The following EFCAB3 variants were observed in gnomAD, a reference collection of about 807,000 sequenced individuals.
EFCAB3 encodes the protein EF-hand calcium binding domain 3, also known as EF-hand calcium-binding domain-containing protein 3.
EFCAB3 carries 36 observed loss-of-function variants against 42.2 expected under a neutral mutation model. The ratio of observed to expected loss-of-function variants is 0.85; its 90% confidence interval spans 0.65 to 1.13. The LOEUF is 1.13. Among genes scored for constraint, EFCAB3 ranks in the 50% most tolerant of loss-of-function variants. The probability of loss-of-function intolerance (pLI) is 0.00; values close to 1 mark genes in which losing one functional copy is unlikely to be tolerated. For missense variants in EFCAB3, 418 were observed against 505.1 expected, an observed-to-expected ratio of 0.83 and a Z score of 1.65; for synonymous variants, 170 against 172.8, an observed-to-expected ratio of 0.98 and a Z score of 0.13.
At chr17:62,393,751 T>C (rs942182652) in intron 5 of EFCAB3, 107 bp downstream of exon 5, 32 of 931,538 alleles carry the variant, frequency 3.4e-5, no homozygotes, top group Non-Finnish European at 4.9e-5. Flanking sequence ...GAAGGTGTAG[T>C]CTGGGATGTG....
At chr17:62,412,977 A>G (rs1010032625) in intron 8 of EFCAB3, among the ~76,000 whole-genome samples, 2 of 152,210 alleles carry the variant, frequency 1.3e-5, no homozygotes, top group African/African-American at 2.4e-5. Flanking sequence ...CACACTTCAT[A>G]TACAAATTGC....
At chr17:62,399,603 TC>T (rs34784035) in intron 6 of EFCAB3, among the ~76,000 whole-genome samples, 1 of 152,072 alleles carries the variant, frequency 6.6e-6, no homozygotes, top group African/African-American at 2.4e-5. Context: ...TCAAACACGC[TC>T]CCACCTTAAG....
chr17:62,389,084 G>A (rs1411004406), intron 3 of EFCAB3, among the ~76,000 whole-genome samples: 2 of 152,214 alleles, frequency 1.3e-5, no homozygotes, highest in African/African-American at 2.4e-5. Flanking sequence ...AAGTGGGCAG[G>A]GGCAGCATGT....
intron 6 of EFCAB3, among the ~76,000 whole-genome samples, chr17:62,403,642 C>T (rs778201540): frequency 3.3e-5 from 5 of 152,152 alleles, no homozygotes; most frequent in Non-Finnish European, 5.9e-5. Flanking sequence ...TCTCATATAT[C>T]TCTCTCTGTC....
chr17:62,393,714 C>A, intron 5 of EFCAB3, 70 bp downstream of exon 5: 1 of 1,361,304 alleles, frequency 7.3e-7, no homozygotes, highest in Admixed American at 1.8e-5. Flanking sequence ...ACATCATTCA[C>A]AGGCTTCCAG....
chr17:62,398,817 T>C (rs1307494168), intron 6 of EFCAB3, among the ~76,000 whole-genome samples: 6 of 152,168 alleles, frequency 3.9e-5, no homozygotes, highest in Non-Finnish European at 8.8e-5. Context: ...GTTAAATAAA[T>C]GTCAAATAAG....
Position 62,403,062 on chromosome 17 carries a change from C to T in EFCAB3, c.489-3418C>T, listed in dbSNP as rs2070417970. Among the ~76,000 whole-genome samples, 3 of 152,144 alleles carry T rather than the reference C, an allele frequency of 2.0e-5. No homozygotes were observed. In the South Asian group the frequency reaches 6.2e-4, roughly 31 times the overall value. On this transcript the variant is annotated intron_variant, in intron 6 of 9. Transcript: ENST00000305286. ...AATTTATCCATTTCTTCTAGATTTT[C>T]TAGTTTATTTGCGTAGAGGTGTTTA...
Position 62,407,181 on chromosome 17 carries a change from A to T in EFCAB3, c.836A>T (p.Tyr279Phe). The change falls in exon 8 of 10, where the codon TAT (tyrosine) becomes TTT (phenylalanine). Residue 279 changes from tyrosine (Y) to phenylalanine (F), a missense_variant. By Grantham distance (22) the Tyr-to-Phe change is conservative. Transcript: ENST00000305286. ...IKEPLHFFED[Y>F]FFHKRDWKTQ... ...GAGCCTTTGCATTTCTTTGAGGATT[A>T]TTTTTTCCATAAAAGAGACTGGAAA... The T allele has an allele frequency of 6.3e-7, 1 of 1,595,720 alleles. No homozygotes were observed. The highest frequency in any genetic ancestry group is 1.2e-5 in the South Asian group (1 of 86,734).
upstream of EFCAB3, among the ~76,000 whole-genome samples, chr17:62,380,249 G>A (rs1298340672): frequency 6.6e-6 from 1 of 152,138 alleles, no homozygotes; most frequent in Non-Finnish European, 1.5e-5. Context: ...TGATCTGCCC[G>A]CCTCGGCCCC....
chr17:62,388,884 A>G (rs1287600393), intron 3 of EFCAB3, among the ~76,000 whole-genome samples: 5 of 152,184 alleles, frequency 3.3e-5, no homozygotes, highest in African/African-American at 9.7e-5. Flanking sequence ...TAGACCTTTA[A>G]GGTTTCTAAA....
chr17:62,401,929 T>A (rs562596879), intron 6 of EFCAB3, among the ~76,000 whole-genome samples: 1 of 152,380 alleles, frequency 6.6e-6, no homozygotes, highest in East Asian at 1.9e-4. Flanking sequence ...GAGTATGGAA[T>A]GTTCTTCCAT....
At chr17:62,407,993 A>G (rs912324303) in intron 8 of EFCAB3, among the ~76,000 whole-genome samples, 8 of 152,196 alleles carry the variant, frequency 5.3e-5, no homozygotes, top group African/African-American at 1.9e-4. Context: ...TCAGGTTCAG[A>G]CTTTATCTTT....
upstream of EFCAB3, chr17:62,378,138 T>C (rs2070164953): frequency 3.6e-6 from 3 of 830,032 alleles, no homozygotes; most frequent in South Asian, 6.0e-5. Context: ...CTCCATCTAC[T>C]TGTCCATAAA....
intron 6 of EFCAB3, among the ~76,000 whole-genome samples, chr17:62,401,875 TG>T: frequency 6.6e-6 from 1 of 152,350 alleles, no homozygotes; most frequent in South Asian, 2.1e-4. Flanking sequence ...TAAATTACTT[TG>T]GGCAATATGG....
chr17:62,405,742 G>A (rs2070441997), intron 6 of EFCAB3, among the ~76,000 whole-genome samples: 1 of 152,150 alleles, frequency 6.6e-6, no homozygotes, highest in Non-Finnish European at 1.5e-5. Flanking sequence ...CCTGCCAGCT[G>A]TACTTATTCT....
At chr17:62,406,918 C>T in intron 7 of EFCAB3, 110 bp from the exon 8 acceptor site, 1 of 1,104,706 alleles carries the variant, frequency 9.1e-7, no homozygotes, top group Admixed American at 2.6e-5. Flanking sequence ...GAATGAGGGC[C>T]ATGGCCACTG....
chr17:62,413,902 AT>A, intron 9 of EFCAB3, 48 bp downstream of exon 9: 1 of 1,582,488 alleles, frequency 6.3e-7, no homozygotes, highest in South Asian at 1.2e-5. Flanking sequence ...TGACAAAAAT[AT>A]TGTCCACTTC....
In EFCAB3 at chr17:62,395,090, A is replaced by C; in HGVS notation, c.390A>C (p.Leu130Phe). The C allele has an allele frequency of 6.2e-7, 1 of 1,614,100 alleles. No homozygotes were observed. The highest frequency in any genetic ancestry group is 8.5e-7 in the Non-Finnish European group (1 of 1,180,016). The change falls in exon 6 of 10, where the codon TTA (leucine) becomes TTC (phenylalanine). Residue 130 changes from leucine to phenylalanine, a missense_variant. Transcript: ENST00000305286. ...TAGTTCCAGAAAAGGAGACCTGTTT[A>C]GATTTGGCTGGCAACCCAGGAATCC... ...KAVVPEKETC[L>F]DLAGNPGILL...
intron 8 of EFCAB3, among the ~76,000 whole-genome samples, chr17:62,411,009 T>C (rs527950993): frequency 1.3e-5 from 2 of 152,218 alleles, no homozygotes; most frequent in East Asian, 3.8e-4. Context: ...TCTGAATTTA[T>C]AGTTTCCACA....
Sources: gnomAD v4.1 joint callset for allele counts (sites outside exome capture counted in the v4.1 genomes callset) on GRCh38, gnomAD v4.1.1 for gene constraint, MANE v1.5 for transcripts, NCBI Gene and HGNC (gene_info 2026-07-23, HGNC 2026-07-21) for gene names.